Variants in PPP1R9A observed in about 807,000 individuals in gnomAD.
PPP1R9A encodes the protein protein phosphatase 1 regulatory subunit 9A.
A neutral mutation model predicts 141.9 loss-of-function variants in PPP1R9A; 59 were observed. That is an observed-to-expected ratio of 0.42 (90% CI 0.34 to 0.52). The LOEUF is 0.52. Ranked by LOEUF, PPP1R9A falls within the 20% of genes least tolerant of loss-of-function variation. The probability of loss-of-function intolerance (pLI) is 0.10; values close to 1 mark genes in which losing one functional copy is unlikely to be tolerated. For missense variants in PPP1R9A, 1,444 were observed against 1,611.9 expected, an observed-to-expected ratio of 0.90 and a Z score of 1.78; for synonymous variants, 500 against 569.7, an observed-to-expected ratio of 0.88 and a Z score of 1.74.
intron 8 of PPP1R9A, among the ~76,000 whole-genome samples, chr7:95,241,269 G>A (rs1299693216): frequency 6.6e-6 from 1 of 152,146 alleles, no homozygotes; most frequent in Non-Finnish European, 1.5e-5. Flanking sequence ...CCTAACAGTT[G>A]CTTTCTGAGC....
chr7:95,290,119 G>A lies in PPP1R9A; in HGVS notation c.3941G>A (p.Arg1314Gln), dbSNP rs758179395. 5.0e-5 allele frequency: 81 copies of A among 1,613,810 alleles called. No homozygotes were observed. Among genetic ancestry groups the A allele is most frequent in the South Asian group, 8.8e-5 (8 of 91,054 alleles). Residue 1314 changes from arginine (R) to glutamine (Q), a missense_variant, in exon 20 of 20, where the codon CGA becomes CAA. Physicochemically the swap from Arg to Gln is conservative, Grantham distance 43. This residue lies in a region of PPP1R9A where 459 missense variants were observed against 513.8 expected (regional missense o/e 0.89). Coordinates refer to ENST00000433360, the MANE Select transcript of PPP1R9A (RefSeq NM_001166160.2). Reference sequence around the variant, plus strand: ...CTTGGAATGACAGCATCCCAGGACCGAGCAGTGGTCAAAAAGAAACTCAAG... The same window carrying A: ...CTTGGAATGACAGCATCCCAGGACCAAGCAGTGGTCAAAAAGAAACTCAAG... ...KALGMTASQD[R>Q]AVVKKKLKEM...
At chr7:95,258,145 T>C (rs1201373470) in intron 12 of PPP1R9A, among the ~76,000 whole-genome samples, 2 of 151,964 alleles carry the variant, frequency 1.3e-5, no homozygotes, top group East Asian at 3.9e-4. Flanking sequence ...AGTGTAAAAG[T>C]GTTCCTATTT....
chr7:95,022,859 T>C (rs1424255813), intron 2 of PPP1R9A, among the ~76,000 whole-genome samples: 1 of 152,240 alleles, frequency 6.6e-6, no homozygotes, highest in Non-Finnish European at 1.5e-5. Context: ...AGCTTTTTGA[T>C]GTCCTGCTGG....
At chr7:95,045,858 T>C (rs183080104) in intron 2 of PPP1R9A, among the ~76,000 whole-genome samples, 3 of 152,274 alleles carry the variant, frequency 2.0e-5, no homozygotes, top group South Asian at 2.1e-4. Flanking sequence ...CTGTAATATA[T>C]TGATGCAACA....
At chr7:95,280,120 A>T (rs1413816298) in intron 16 of PPP1R9A, among the ~76,000 whole-genome samples, 1 of 152,204 alleles carries the variant, frequency 6.6e-6, no homozygotes, top group Non-Finnish European at 1.5e-5. Context: ...GCTGTTATCC[A>T]TTAGGGTCTC....
At chr7:95,085,421 G>GT (rs113775726) in intron 2 of PPP1R9A, among the ~76,000 whole-genome samples, 1,898 of 126,894 alleles carry the variant, frequency 0.015, 15 homozygotes, top group Non-Finnish European at 0.024. Context: ...AAAATTTTTG[G>GT]TTTTTTTTTT....
chr7:95,256,191 CAAAA>C (rs369030873), intron 12 of PPP1R9A, among the ~76,000 whole-genome samples: 1 of 135,380 alleles, frequency 7.4e-6, no homozygotes, highest in Non-Finnish European at 1.6e-5. Flanking sequence ...GATCCTGTCT[CAAAA>C]AAAAAAAAAG....
At chr7:95,074,477 T>TG (rs1206333589) in intron 2 of PPP1R9A, among the ~76,000 whole-genome samples, 12 of 139,118 alleles carry the variant, frequency 8.6e-5, no homozygotes, top group East Asian at 5.9e-4. Flanking sequence ...TTTTTTTTTT[T>TG]TTGTTGTTTT....
chr7:95,224,402 G>T (rs748923419), intron 7 of PPP1R9A, among the ~76,000 whole-genome samples: 1 of 152,116 alleles, frequency 6.6e-6, no homozygotes, highest in Non-Finnish European at 1.5e-5. Flanking sequence ...CATGATAATA[G>T]CCTCTGTGTG....
chr7:95,162,583 C>CT (rs201174615), intron 5 of PPP1R9A, among the ~76,000 whole-genome samples: 1,732 of 151,746 alleles, frequency 0.011, 14 homozygotes, highest in Non-Finnish European at 0.019. Flanking sequence ...GAAATCAGGT[C>CT]TTTTTTTTGC....
chr7:95,116,459 A>T (rs1325745081), intron 3 of PPP1R9A, among the ~76,000 whole-genome samples: 1 of 152,156 alleles, frequency 6.6e-6, no homozygotes, highest in Admixed American at 6.5e-5. Context: ...TAGAAATGAA[A>T]ATGGGAAAAA....
intron 2 of PPP1R9A, among the ~76,000 whole-genome samples, chr7:94,969,129 G>A (rs1045218012): frequency 6.6e-6 from 1 of 151,990 alleles, no homozygotes; most frequent in African/African-American, 2.4e-5. Flanking sequence ...CCCATGTTCT[G>A]AAGCCTACTT....
chr7:95,057,411 T>C (rs887225030), intron 2 of PPP1R9A, among the ~76,000 whole-genome samples: 1 of 152,142 alleles, frequency 6.6e-6, no homozygotes, highest in African/African-American at 2.4e-5. Flanking sequence ...CTACCTTGTT[T>C]TTAATGTGAC....
chr7:95,257,266 ATACAGAG>A, intron 12 of PPP1R9A, among the ~76,000 whole-genome samples: 2 of 152,264 alleles, frequency 1.3e-5, no homozygotes, highest in East Asian at 3.9e-4. Flanking sequence ...AATATGCAGA[ATACAGAG>A]TCCAGAAGCA....
intron 7 of PPP1R9A, among the ~76,000 whole-genome samples, chr7:95,216,946 G>T (rs1309036160): frequency 6.6e-6 from 1 of 152,088 alleles, no homozygotes; most frequent in Non-Finnish European, 1.5e-5. Context: ...TTTCCTCATT[G>T]AATACCCTTT....
chr7:94,917,571 A>AT (rs1317537250), intron 2 of PPP1R9A, among the ~76,000 whole-genome samples: 33 of 136,760 alleles, frequency 2.4e-4, no homozygotes, highest in Non-Finnish European at 4.9e-5. Context: ...CATGCCTGTT[A>AT]TTATTTTTTT....
At chr7:95,070,775 A>G (rs1164409823) in intron 2 of PPP1R9A, among the ~76,000 whole-genome samples, 1 of 151,574 alleles carries the variant, frequency 6.6e-6, no homozygotes, top group East Asian at 1.9e-4. Context: ...CCCATTTTAG[A>G]GTCATTATCT....
rs1408178894 is a variant in PPP1R9A at position 94,910,656 on chromosome 7, C to A, written c.543C>A (p.Asn181Lys). The A allele has an allele frequency of 4.3e-6, 7 of 1,614,154 alleles. No individual in the cohort carries two copies. Among genetic ancestry groups the A allele is most frequent in the Admixed American group, 1.7e-5 (1 of 60,014 alleles). The change falls in exon 2 of 20, where the codon AAC becomes AAA. Residue 181 changes from asparagine (N) to lysine (K), a missense_variant. Around this residue, in one of 5 missense-constraint regions of PPP1R9A, gnomAD observed 490 missense variants for 521.1 expected, o/e 0.94. Coordinates refer to ENST00000433360, the MANE Select transcript of PPP1R9A (RefSeq NM_001166160.2). This position sits in a 1 kb window ranked among gnomAD's most constrained non-coding sequence, Gnocchi z 4.5. ...ATGAATGGGGAGGTTCCAAGTCCAA[C>A]AGAGGCAGTACTGATTCCTTGGACA... is the stretch of plus-strand genomic sequence containing the variant. ...PQDEWGGSKS[N>K]RGSTDSLDSL... is the part of the protein sequence containing the mutation.
chr7:95,111,247 C>T lies in PPP1R9A; in HGVS notation c.1396-12C>T, dbSNP rs187224862. The T allele has an allele frequency of 1.2e-5, 19 of 1,578,056 alleles. No individual in the cohort carries two copies. In the East Asian group the frequency reaches 1.3e-4, roughly 11 times the overall value. On this transcript the variant is annotated splice_polypyrimidine_tract_variant and intron_variant, in intron 2 of 19. Transcript: ENST00000433360. The stretch of plus-strand genomic sequence containing the variant: ...TTTTCTGTATTATCATCTTGTTGGC[C>T]TCTTACTACAGGTTTTCAACACATA...
Sources: gnomAD v4.1 joint callset for allele counts (sites outside exome capture counted in the v4.1 genomes callset) on GRCh38, gnomAD v4.1.1 for gene constraint, gnomAD v4.1.1 regional missense constraint, Gnocchi (gnomAD v3.1) non-coding constraint, MANE v1.5 for transcripts, NCBI Gene and HGNC (gene_info 2026-07-23, HGNC 2026-07-21) for gene names.